The following FBLN2 variants were observed in gnomAD, a reference collection of about 807,000 sequenced individuals.
FBLN2 encodes the protein fibulin 2.
FBLN2 carries 81 observed loss-of-function variants against 123.7 expected under a neutral mutation model. The ratio of observed to expected loss-of-function variants is 0.65; its 90% confidence interval spans 0.55 to 0.79. The LOEUF is 0.79. FBLN2 is among the 30% of genes least tolerant of loss of function. FBLN2 has a pLI of 0.00. For synonymous variants in FBLN2, 699 were observed against 701.4 expected, an observed-to-expected ratio of 1.00 and a Z score of 0.05; for missense variants, 1,603 against 1,681.3, an observed-to-expected ratio of 0.95 and a Z score of 0.81.
chr3:13,567,627 G>A (rs1003064865), intron 1 of FBLN2, among the ~76,000 whole-genome samples: 2 of 152,120 alleles, frequency 1.3e-5, no homozygotes. Flanking sequence ...CAAAGTGCTG[G>A]GATTACAGGC....
chr3:13,561,758 C>T (rs1029464822), intron 1 of FBLN2, among the ~76,000 whole-genome samples: 7 of 152,174 alleles, frequency 4.6e-5, no homozygotes, highest in African/African-American at 1.2e-4. Context: ...TCATCTTGTT[C>T]GCTGCCATAT....
intron 16 of FBLN2, among the ~76,000 whole-genome samples, chr3:13,635,395 C>T (rs1221508476): frequency 6.6e-6 from 1 of 152,010 alleles, no homozygotes. Context: ...CACACACACA[C>T]ACACCCACAC....
chr3:13,626,545 G>A lies in FBLN2; in HGVS notation c.2397G>A (p.Glu799=), dbSNP rs2124903963. ...SFHCYKALTC[E]PGYALKDGEC... is the part of the protein sequence containing the mutation. ...ACTGCTACAAGGCACTCACCTGTGA[G>A]CCAGGCTATGCCCTCAAGGATGGCG... The change falls in exon 10 of 18, where the codon GAG becomes GAA. Residue 799 remains glutamate (E), a synonymous_variant. Coordinates refer to ENST00000404922, the MANE Select transcript of FBLN2 (RefSeq NM_001004019.2). 1 of 1,552,910 alleles carries A rather than the reference G, an allele frequency of 6.4e-7. No individual in the cohort carries two copies. The highest frequency in any genetic ancestry group is 8.7e-7 in the Non-Finnish European group (1 of 1,147,848).
rs946394983 is a variant in FBLN2 at position 13,631,518 on chromosome 3, G to T, written c.3214+61G>T. The T allele has an allele frequency of 9.9e-6, 15 of 1,515,008 alleles. No homozygotes were observed. The Admixed American group carries it at 2.3e-4, about 23-fold the overall frequency. The allele number at this position is 1,515,008 out of a possible 1,614,324, so 93.8% of individuals were successfully genotyped here. ...AGGGCCTTGGGCAGGCTCCAAGCAG[G>T]CACAGAAAAGCTCACACAGCTTGCG... On this transcript the variant is annotated intron_variant, in intron 16 of 17. Transcript: ENST00000404922.
Position 13,609,539 on chromosome 3 carries a change from C to T in FBLN2, c.1445C>T (p.Ser482Phe), listed in dbSNP as rs1234605898. Residue 482 changes from serine (S) to phenylalanine (F), a missense_variant, in exon 4 of 18, where the codon TCC becomes TTC. Transcript: ENST00000404922. ...CRTAQRHCCVSYLQEKSCMAG... is the reference protein window; with the variant it reads ...CRTAQRHCCVFYLQEKSCMAG... Reference sequence around the variant, plus strand: ...ACAGCCCAGAGGCACTGCTGTGTCTCCTACTTGCAGGAGAAGAGCTGCATG... The same window carrying T: ...ACAGCCCAGAGGCACTGCTGTGTCTTCTACTTGCAGGAGAAGAGCTGCATG... 2 of 1,551,646 alleles carry T rather than the reference C, an allele frequency of 1.3e-6. No homozygotes were observed. The highest frequency in any genetic ancestry group is 3.9e-5 in the Admixed American group (2 of 50,998).
In FBLN2 at chr3:13,629,027, G is replaced by A. The variant is rs557670680; in HGVS notation, c.2692G>A (p.Asp898Asn). 6.8e-6 allele frequency: 11 copies of A among 1,613,238 alleles called. No homozygotes were observed. In the East Asian group the frequency reaches 8.9e-5, roughly 13 times the overall value. Residue 898 changes from aspartate to asparagine, a missense_variant, in exon 12 of 18, where the codon GAT becomes AAT. Asp to Asn is a conservative substitution (Grantham distance 23, BLOSUM62 1). Coordinates refer to ENST00000404922, the MANE Select transcript of FBLN2 (RefSeq NM_001004019.2). ...LICARGYHAS[D>N]DGTKCVDVNE... ...CTGCGCGCGCGGCTACCACGCCAGC[G>A]ATGATGGGACCAAGTGTGTGGGTAA... is the stretch of plus-strand genomic sequence containing the variant.
chr3:13,606,487 T>G (rs1327756074), intron 2 of FBLN2, among the ~76,000 whole-genome samples: 1 of 152,208 alleles, frequency 6.6e-6, no homozygotes, highest in African/African-American at 2.4e-5. Flanking sequence ...CAGTTGAACC[T>G]TGAACAACTC....
chr3:13,605,219 A>G (rs1310946437), intron 2 of FBLN2, among the ~76,000 whole-genome samples: 1 of 152,192 alleles, frequency 6.6e-6, no homozygotes, highest in East Asian at 1.9e-4. Context: ...TGGGTTAATT[A>G]CACGTCTCAT....
intron 1 of FBLN2, among the ~76,000 whole-genome samples, chr3:13,565,129 T>A (rs1285155852): frequency 6.6e-6 from 1 of 152,158 alleles, no homozygotes; most frequent in African/African-American, 2.4e-5. Flanking sequence ...TGGCTGAATG[T>A]CTCTCCGCCC....
In FBLN2 at chr3:13,565,823, C is replaced by T. The variant is rs182302680; in HGVS notation, c.-41-4492C>T. Among the ~76,000 whole-genome samples, 12 of 152,302 alleles carry T rather than the reference C, an allele frequency of 7.9e-5. No individual in the cohort carries two copies. In the East Asian group the frequency reaches 1.9e-3, roughly 25 times the overall value. On this transcript the variant is annotated intron_variant, in intron 1 of 17. Transcript: ENST00000404922. ...GGACCTGGTACAGACGTCTCTGAGT[C>T]GCACACTGGGCGTCAGAAGCACAGG...
At chr3:13,558,945 TGAGA>T (rs1341746909) in intron 1 of FBLN2, among the ~76,000 whole-genome samples, 4 of 151,888 alleles carry the variant, frequency 2.6e-5, no homozygotes, top group African/African-American at 7.3e-5. Context: ...GAGCTAATGA[TGAGA>T]GAAAGATAAG....
At chr3:13,628,820 C>G in intron 11 of FBLN2, 85 bp from the exon 12 acceptor site, 2 of 1,504,384 alleles carry the variant, frequency 1.3e-6, no homozygotes, top group Non-Finnish European at 1.8e-6. Context: ...CCAGGACCGA[C>G]CCCCTCCCAG....
At chr3:13,596,957 G>A (rs937777291) in intron 2 of FBLN2, among the ~76,000 whole-genome samples, 1 of 151,022 alleles carries the variant, frequency 6.6e-6, no homozygotes. Flanking sequence ...TTTTAGATAA[G>A]GTCTTGCTCT....
chr3:13,589,876 A>T (rs1430016782), intron 2 of FBLN2, among the ~76,000 whole-genome samples: 1 of 152,186 alleles, frequency 6.6e-6, no homozygotes, highest in Non-Finnish European at 1.5e-5. Context: ...CTTCTTTCTT[A>T]AAGTTTCTAT....
rs145539484 is a variant in FBLN2, at chr3:13,587,888, C to A, written c.1306+16227C>A. Among the ~76,000 whole-genome samples, 789 of 152,318 alleles carry A rather than the reference C, an allele frequency of 5.2e-3. 3 individuals are homozygous for A. Among genetic ancestry groups the A allele is most frequent in the Non-Finnish European group, 8.0e-3 (541 of 68,026 alleles). ...CCCCCCAATCTTGCTTTGAGTTGTC[C>A]TGCCTTTCTGGACCAAACTAATGTG... On this transcript the variant is annotated intron_variant, in intron 2 of 17. Transcript: ENST00000404922.
chr3:13,561,304 C>A (rs1191347618), intron 1 of FBLN2, among the ~76,000 whole-genome samples: 1 of 152,210 alleles, frequency 6.6e-6, no homozygotes, highest in African/African-American at 2.4e-5. Context: ...CCCTGCCACC[C>A]TGTTGGGACA....
chr3:13,626,621 T>C (rs1218265699), intron 10 of FBLN2, 42 bp downstream of exon 10: 2 of 1,503,614 alleles, frequency 1.3e-6, no homozygotes, highest in Admixed American at 4.0e-5. Context: ...CCCCGCCCCA[T>C]GGCCAGTTTT....
At chr3:13,554,256 C>T (rs1703405133) in intron 1 of FBLN2, among the ~76,000 whole-genome samples, 1 of 152,174 alleles carries the variant, frequency 6.6e-6, no homozygotes, top group South Asian at 2.1e-4. Context: ...TGGCTTCTGT[C>T]TTCTGGCCAC....
At chr3:13,574,116 C>T (rs1337619455) in intron 2 of FBLN2, among the ~76,000 whole-genome samples, 3 of 152,174 alleles carry the variant, frequency 2.0e-5, no homozygotes, top group Non-Finnish European at 4.4e-5. Flanking sequence ...ACAGAGTCAC[C>T]GTGTTGAGGG....
Sources: gnomAD v4.1 joint callset for allele counts (sites outside exome capture counted in the v4.1 genomes callset) on GRCh38, gnomAD v4.1.1 for gene constraint, MANE v1.5 for transcripts, NCBI Gene and HGNC (gene_info 2026-07-23, HGNC 2026-07-21) for gene names.